ZFP62: variants seen among roughly 807,000 people sequenced by gnomAD.
ZFP62 encodes the protein ZFP62 zinc finger protein, also known as zinc finger protein 62 homolog.
In ZFP62, 44 loss-of-function variants were observed where a neutral mutation model predicts 56.4. The observed-to-expected ratio is 0.78, with a 90% CI of 0.61 to 1.00. ZFP62 has a LOEUF of 1.00. ZFP62 is among the 50% of genes least tolerant of loss of function. ZFP62 has a pLI of 0.00. For synonymous variants in ZFP62, 421 were observed against 388.9 expected (o/e 1.08, Z -0.97); for missense variants, 1,030 against 1,085.7 (o/e 0.95, Z 0.72).
rs1335308196 is a variant in ZFP62 at position 180,851,462 on chromosome 5, C to T, written c.33G>A (p.Glu11=). 2 of 1,550,124 alleles carry T rather than the reference C, an allele frequency of 1.3e-6. No individual in the cohort carries two copies. The highest frequency in any genetic ancestry group is 2.4e-5 in the East Asian group (1 of 40,902). MSHLKTSTED[E]EPTEEYENVG... ...CATTTTCATATTCTTCAGTTGGTTC[C>T]TCATCCTCAGTGCTCGTCTTCAAAT... The change falls in exon 2 of 2, where the codon GAG becomes GAA. Residue 11 remains glutamate (E), a synonymous_variant. Transcript: ENST00000502412.
At chr5:180,837,650 A>AT in the ZFP62 span, among the ~76,000 whole-genome samples, 9 of 152,362 alleles carry the variant, frequency 5.9e-5, no homozygotes, top group Admixed American at 1.3e-4. Flanking sequence ...TCTGGAATGT[A>AT]TAACAATTTC....
Position 180,849,657 on chromosome 5 carries a change from C to A in ZFP62, c.1838G>T (p.Gly613Val), listed in dbSNP as rs775946964. The change falls in exon 2 of 2, where the codon GGG becomes GTG. Residue 613 changes from glycine (G) to valine (V), a missense_variant. By Grantham distance (109) the Gly-to-Val change is moderately radical. Coordinates refer to ENST00000502412, the MANE Select transcript of ZFP62 (RefSeq NM_001172638.2). ...TLTNHKKVHL[G>V]EKPYKCDVCE... is the part of the protein sequence containing the mutation. ...CACATCACATTTGTAGGGCTTCTCC[C>A]CAAGATGAACTTTTTTGTGGTTTGT... The A allele has an allele frequency of 3.2e-5, 50 of 1,551,782 alleles. No homozygotes were observed. Among genetic ancestry groups the A allele is most frequent in the Non-Finnish European group, 4.4e-5 (50 of 1,147,054 alleles).
At chr5:180,833,787 C>T in the ZFP62 span, among the ~76,000 whole-genome samples, 5 of 151,820 alleles carry the variant, frequency 3.3e-5, no homozygotes, top group Non-Finnish European at 7.4e-5. Context: ...TCTCCTGCCT[C>T]AGCCTCCTGA....
the ZFP62 span, among the ~76,000 whole-genome samples, chr5:180,827,675 C>T: frequency 6.6e-6 from 1 of 152,166 alleles, no homozygotes; most frequent in African/African-American, 2.4e-5. Flanking sequence ...TCCCCCAGCC[C>T]GACACCCGTA....
chr5:180,858,496 G>A lies in ZFP62; in HGVS notation c.1+2723C>T, dbSNP rs754959310. Among the ~76,000 whole-genome samples, 3 of 151,760 alleles carry A rather than the reference G, an allele frequency of 2.0e-5. No homozygotes were observed. In the East Asian group the frequency reaches 5.8e-4, roughly 29 times the overall value. On this transcript the variant is annotated intron_variant, in intron 1 of 1. Transcript: ENST00000502412. ...TGCACACCTGTAGTTCCAGCTACTC[G>A]ACTTGGGAGGCTGAGGCACAAGAAT...
chr5:180,827,095 T>A, the ZFP62 span, among the ~76,000 whole-genome samples: 2 of 152,206 alleles, frequency 1.3e-5, no homozygotes, highest in African/African-American at 2.4e-5. Context: ...TAAGCCACTA[T>A]ACAAAAAGAC....
chr5:180,846,826 G>A (rs1274902555), downstream of ZFP62, among the ~76,000 whole-genome samples: 2 of 152,208 alleles, frequency 1.3e-5, no homozygotes, highest in East Asian at 1.9e-4. Context: ...CAGGGACAGT[G>A]CCTAGTAGAT....
At chr5:180,828,004 T>C in the ZFP62 span, among the ~76,000 whole-genome samples, 1,833 of 152,336 alleles carry the variant, frequency 0.012, 51 homozygotes, top group Admixed American at 0.074. Context: ...CTCCCCGCTA[T>C]TGTCTTGTGA....
rs1773581870 is a variant in ZFP62, at chr5:180,849,721, C to T, written c.1774G>A (p.Asp592Asn). Residue 592 changes from aspartate (D) to asparagine (N), a missense_variant, in exon 2 of 2, where the codon GAC (aspartate) becomes AAC (asparagine). Coordinates refer to ENST00000502412, the MANE Select transcript of ZFP62 (RefSeq NM_001172638.2). Reference sequence around the variant, plus strand: ...GTGATGAAGGCCTTCTCACACTCGTCACACTTAAAGGGCTTCTCCCCAGGG... The same window carrying T: ...GTGATGAAGGCCTTCTCACACTCGTTACACTTAAAGGGCTTCTCCCCAGGG... ...VHPGEKPFKC[D>N]ECEKAFITYR... is the part of the protein sequence containing the mutation. 1 of 1,551,882 alleles carries T rather than the reference C, an allele frequency of 6.4e-7. No individual in the cohort carries two copies. The highest frequency in any genetic ancestry group is 8.7e-7 in the Non-Finnish European group (1 of 1,147,102).
Position 180,850,583 on chromosome 5 carries a change from T to C in ZFP62, c.912A>G (p.Thr304=). The change falls in exon 2 of 2, where the codon ACA becomes ACG. Residue 304 remains threonine, a synonymous_variant. Transcript: ENST00000502412. The part of the protein sequence containing the change: ...SGLRVHKRIH[T]GEKPYECDEC... ...CATCACATTCGTAAGGTTTCTCACC[T>C]GTGTGGATCCTTTTATGGACCCTAA... is the stretch of plus-strand genomic sequence containing the variant. 1 of 1,560,918 alleles carries C rather than the reference T, an allele frequency of 6.4e-7. No homozygotes were observed. Among genetic ancestry groups the C allele is most frequent in the Non-Finnish European group, 8.7e-7 (1 of 1,152,588 alleles).
the ZFP62 span, chr5:180,831,415 G>GT: frequency 3.7e-3 from 545 of 146,214 alleles, 3 homozygotes; most frequent in Middle Eastern, 0.01. Context: ...TTTCGGCCAT[G>GT]TTTTTTTTTT....
At chr5:180,838,677 ATACTT>A in the ZFP62 span, among the ~76,000 whole-genome samples, 1,200 of 152,358 alleles carry the variant, frequency 7.9e-3, 6 homozygotes, top group African/African-American at 0.011. Flanking sequence ...GTTTTATACT[ATACTT>A]CTTTGGCAAG....
downstream of ZFP62, among the ~76,000 whole-genome samples, chr5:180,847,275 T>G (rs1241908280): frequency 6.6e-6 from 1 of 152,252 alleles, no homozygotes; most frequent in Non-Finnish European, 1.5e-5. Context: ...TTGAGTTACC[T>G]AGTTAACAGC....
At chr5:180,845,326 TAAAAAAAAAAAAAAAAAAAAAA>T (rs772922940), downstream of ZFP62, among the ~76,000 whole-genome samples, 3 of 32,822 alleles carry the variant, frequency 9.1e-5, no homozygotes, top group Non-Finnish European at 1.5e-4. Context: ...GAGACCGTCT[TAAAAAAAAAAAAAAAAAAAAAA>T]AAAAAAAAAA....
chr5:180,853,091 T>C (rs1176141291), intron 1 of ZFP62, among the ~76,000 whole-genome samples: 2 of 152,238 alleles, frequency 1.3e-5, no homozygotes, highest in Non-Finnish European at 1.5e-5. Flanking sequence ...ATAATGAAGA[T>C]ACACCTCCAA....
chr5:180,851,936 G>C (rs1261463057), intron 1 of ZFP62: 1 of 832,500 alleles, frequency 1.2e-6, no homozygotes, highest in Non-Finnish European at 1.5e-6. Flanking sequence ...ATTATGAAAA[G>C]TTAGACAAAA....
chr5:180,830,799 T>C, the ZFP62 span: 2 of 149,896 alleles, frequency 1.3e-5, no homozygotes, highest in African/African-American at 4.8e-5. Flanking sequence ...GGGTCCCGCG[T>C]GAACCGAACT....
rs751407030 is a variant in ZFP62 at position 180,850,405 on chromosome 5, G to C, written c.1090C>G (p.Pro364Ala). ...TTCCCACATTCATCACATTCATAAGGTTTCTCTCCAGTGTGGATGACTTTA... is the reference window on the plus strand; with the variant it reads ...TTCCCACATTCATCACATTCATAAGCTTTCTCTCCAGTGTGGATGACTTTA... ...QHKVIHTGEK[P>A]YECDECGKAF... is the part of the protein sequence containing the mutation. The change falls in exon 2 of 2, where the codon CCT becomes GCT. Residue 364 changes from proline to alanine, a missense_variant. Coordinates refer to ENST00000502412, the MANE Select transcript of ZFP62 (RefSeq NM_001172638.2). The C allele has an allele frequency of 2.6e-6, 4 of 1,559,814 alleles. No homozygotes were observed. The highest frequency in any genetic ancestry group is 2.4e-5 in the East Asian group (1 of 41,620).
At chr5:180,830,168 C>T in the ZFP62 span, 738 of 152,326 alleles carry the variant, frequency 4.8e-3, 3 homozygotes, top group Non-Finnish European at 8.5e-3. Context: ...CAAGAATTAT[C>T]GTGGAACAGC....
Sources: gnomAD v4.1 joint callset for allele counts (sites outside exome capture counted in the v4.1 genomes callset) on GRCh38, gnomAD v4.1.1 for gene constraint, MANE v1.5 for transcripts, NCBI Gene and HGNC (gene_info 2026-07-23, HGNC 2026-07-21) for gene names.